Variants in CSMD1 observed in about 807,000 individuals in gnomAD.
CSMD1 encodes the protein CUB and sushi domain-containing protein 1.
Under a neutral mutation model 417.5 loss-of-function variants are expected in CSMD1, and 213 were observed. That is an observed-to-expected ratio of 0.51 (90% confidence interval 0.46 to 0.57). The LOEUF (loss-of-function observed/expected upper bound fraction) is 0.57. Among genes scored for constraint, CSMD1 ranks in the 20% least tolerant of loss-of-function variants. CSMD1 has a pLI of 0.00. For missense variants in CSMD1, 6,923 were observed against 4,529.7 expected (o/e 1.53, Z -15.17); for synonymous variants, 2,862 against 1,736.8 (o/e 1.65, Z -16.11).
At chr8:3,915,483 G>C (rs1434444200) in intron 5 of CSMD1, among the ~76,000 whole-genome samples, 2 of 151,208 alleles carry the variant, frequency 1.3e-5, no homozygotes, top group African/African-American at 2.4e-5. Flanking sequence ...GGAAGTGCAG[G>C]AAAGGATGAC....
At chr8:4,129,702 C>T (rs1802980206) in intron 3 of CSMD1, among the ~76,000 whole-genome samples, 1 of 152,044 alleles carries the variant, frequency 6.6e-6, no homozygotes, top group South Asian at 2.1e-4. Flanking sequence ...TATACAAGTC[C>T]ATTTTCATTC....
At chr8:3,485,685 G>A (rs1423722528) in intron 11 of CSMD1, among the ~76,000 whole-genome samples, 1 of 151,692 alleles carries the variant, frequency 6.6e-6, no homozygotes, top group African/African-American at 2.4e-5. Context: ...CCTTGAACTT[G>A]AGAGGCAGCA....
chr8:4,357,651 A>G (rs1038413844), intron 3 of CSMD1, among the ~76,000 whole-genome samples: 2 of 152,192 alleles, frequency 1.3e-5, no homozygotes, highest in Non-Finnish European at 2.9e-5. Flanking sequence ...CAGGTTTCCT[A>G]TAACTTTAAA....
intron 3 of CSMD1, among the ~76,000 whole-genome samples, chr8:4,070,418 T>G (rs868447441): frequency 2.0e-5 from 3 of 152,230 alleles, no homozygotes; most frequent in Middle Eastern, 3.4e-3. Context: ...AGTGCAGTGG[T>G]GGGATCTCGG....
chr8:4,229,868 C>G (rs1801605318), intron 3 of CSMD1, among the ~76,000 whole-genome samples: 1 of 152,148 alleles, frequency 6.6e-6, no homozygotes, highest in African/African-American at 2.4e-5. Context: ...GTGTTCTGCC[C>G]CAGTGTTGAA....
chr8:4,929,032 C>T (rs948813960), intron 1 of CSMD1, among the ~76,000 whole-genome samples: 118 of 152,310 alleles, frequency 7.7e-4, no homozygotes, highest in Non-Finnish European at 2.2e-4. Context: ...GATTGCACCA[C>T]TGCATTCCAG....
chr8:3,343,525 C>G (rs1384775236), intron 22 of CSMD1, 75 bp from the exon 23 acceptor site: 3 of 1,294,016 alleles, frequency 2.3e-6, no homozygotes, highest in Non-Finnish European at 3.2e-6. Context: ...ATAAACAATC[C>G]AAATCTTCAA....
At chr8:4,442,601 C>T (rs1798547848) in intron 2 of CSMD1, among the ~76,000 whole-genome samples, 1 of 152,146 alleles carries the variant, frequency 6.6e-6, no homozygotes, top group African/African-American at 2.4e-5. Flanking sequence ...CCCAAATTGG[C>T]TAGAAAAACA....
intron 5 of CSMD1, among the ~76,000 whole-genome samples, chr8:3,910,731 C>A (rs980922495): frequency 1.3e-5 from 2 of 152,178 alleles, no homozygotes; most frequent in African/African-American, 4.8e-5. Flanking sequence ...GATATAAAAA[C>A]ACAACGAATT....
intron 3 of CSMD1, among the ~76,000 whole-genome samples, chr8:4,173,780 G>T (rs555326785): frequency 6.6e-6 from 1 of 152,080 alleles, no homozygotes. Flanking sequence ...CTCATTCTAT[G>T]ACTCAAAAGT....
chr8:4,447,402 G>A (rs187641523), intron 2 of CSMD1, among the ~76,000 whole-genome samples: 2 of 152,290 alleles, frequency 1.3e-5, no homozygotes, highest in East Asian at 3.9e-4. Context: ...GATTGGGAAA[G>A]GAAGCCTGAA....
intron 6 of CSMD1, among the ~76,000 whole-genome samples, chr8:3,723,439 C>G (rs189479343): frequency 1.3e-4 from 20 of 152,222 alleles, no homozygotes; most frequent in Non-Finnish European, 1.5e-4. Context: ...GTGCATTATC[C>G]AAGAGCATAG....
At chr8:4,449,857 C>A (rs980783254) in intron 2 of CSMD1, among the ~76,000 whole-genome samples, 1 of 152,168 alleles carries the variant, frequency 6.6e-6, no homozygotes, top group Admixed American at 6.5e-5. Flanking sequence ...ACTTCATCCT[C>A]ACCCAGTTTC....
intron 3 of CSMD1, among the ~76,000 whole-genome samples, chr8:4,372,980 G>C (rs1167732351): frequency 6.6e-6 from 1 of 152,166 alleles, no homozygotes; most frequent in East Asian, 1.9e-4. Context: ...AAAATATAAA[G>C]TGACTTCACA....
intron 2 of CSMD1, among the ~76,000 whole-genome samples, chr8:4,501,718 A>G (rs1802267723): frequency 6.6e-6 from 1 of 152,214 alleles, no homozygotes; most frequent in Non-Finnish European, 1.5e-5. Flanking sequence ...TTAGTCACTT[A>G]GTAGCCATAT....
At chr8:3,528,934 C>T (rs1468960187) in intron 10 of CSMD1, among the ~76,000 whole-genome samples, 1 of 152,092 alleles carries the variant, frequency 6.6e-6, no homozygotes, top group Admixed American at 6.6e-5. Context: ...ATAATATAAT[C>T]CTTAGATAAT....
rs185391875 is a variant in CSMD1 at position 3,641,974 on chromosome 8, C to A, written c.1010-25177G>T. ...ATCCCTGACACAGATGGGGAGAGAG[C>A]AGCAATCCTAAGAGATTAGCAGCCC... On this transcript the variant is annotated intron_variant, in intron 7 of 69. Transcript: ENST00000635120. Among the ~76,000 whole-genome samples the A allele has an allele frequency of 1.6e-4, 25 of 152,160 alleles. No homozygotes were observed. The East Asian group carries it at 2.3e-3, about 14-fold the overall frequency.
intron 1 of CSMD1, among the ~76,000 whole-genome samples, chr8:4,738,190 A>G (rs1810365728): frequency 1.3e-5 from 2 of 152,194 alleles, no homozygotes; most frequent in African/African-American, 4.8e-5. Context: ...AGACTTTCAA[A>G]TAGTCCGTTT....
rs796915933 is a variant in CSMD1, at chr8:3,984,768, C to CGG, written c.818+13134_818+13135insCC. ...ATATATATATTTGTATGTATTTGTGCGTGTGTGTGTGTGTGTGGGTGTAAA... is the reference window on the plus strand; with the variant it reads ...ATATATATATTTGTATGTATTTGTGCGGGTGTGTGTGTGTGTGTGGGTGTAAA... On this transcript the variant is annotated intron_variant, in intron 5 of 69. Coordinates refer to ENST00000635120, the MANE Select transcript of CSMD1 (RefSeq NM_033225.6). Among the ~76,000 whole-genome samples the CGG allele has an allele frequency of 7.7e-5, 6 of 78,298 alleles. No homozygotes were observed. In the South Asian group the frequency reaches 1.1e-3, roughly 15 times the overall value. The allele number at this position is 78,298 out of a possible 152,430, so 51.4% of individuals were successfully genotyped here.
Sources: allele counts gnomAD v4.1 joint callset (sites outside exome capture counted in the v4.1 genomes callset), GRCh38; gene constraint gnomAD v4.1.1; transcripts MANE v1.5; gene names NCBI Gene and HGNC (gene_info 2026-07-23, HGNC 2026-07-21).